The following TENM3 variants were observed in gnomAD, a reference collection of about 807,000 sequenced individuals.
TENM3 encodes the protein teneurin-3.
In TENM3, 63 loss-of-function variants were observed where a neutral mutation model predicts 255.1. The observed-to-expected ratio is 0.25, with a 90% CI of 0.20 to 0.30. The LOEUF is 0.30. Ranked by LOEUF, TENM3 falls within the 10% of genes least tolerant of loss-of-function variation. The pLI is 1.00. For synonymous variants in TENM3, 1,306 were observed against 1,322.3 expected, an observed-to-expected ratio of 0.99 and a Z score of 0.27; for missense variants, 2,929 against 3,461.1, an observed-to-expected ratio of 0.85 and a Z score of 3.86.
chr4:182,149,350 T>C (rs1750177299), intron 1 of TENM3, among the ~76,000 whole-genome samples: 1 of 152,034 alleles, frequency 6.6e-6, no homozygotes, highest in East Asian at 1.9e-4. Context: ...TAGGATTCAT[T>C]CTTTTGAAGG....
the TENM3 span, among the ~76,000 whole-genome samples, chr4:181,757,397 G>A: frequency 6.6e-6 from 1 of 152,154 alleles, no homozygotes; most frequent in Admixed American, 6.6e-5. Context: ...ATTGCATGCT[G>A]TCATATTTCT....
intron 12 of TENM3, among the ~76,000 whole-genome samples, chr4:182,694,568 A>T (rs1418894189): frequency 6.6e-6 from 1 of 152,218 alleles, no homozygotes; most frequent in East Asian, 1.9e-4. Flanking sequence ...GCCTAGGGGA[A>T]ATCCTAATTC....
chr4:182,492,516 C>CT lies in TENM3; in HGVS notation c.512-108405dup, dbSNP rs1735400529. On this transcript the variant is annotated intron_variant, in intron 3 of 27. Coordinates refer to ENST00000511685, the MANE Select transcript of TENM3 (RefSeq NM_001080477.4). The stretch of plus-strand genomic sequence containing the variant: ...AGTAATATTCATGTCAGTCAGGAAT[C>CT]TTTAGCTACAGTTTCCTGGTTCTAT... Among the ~76,000 whole-genome samples, 3 of 152,288 alleles carry CT rather than the reference C, an allele frequency of 2.0e-5. No individual in the cohort carries two copies. The South Asian group carries it at 6.2e-4, about 32-fold the overall frequency.
chr4:181,536,184 C>T, the TENM3 span, among the ~76,000 whole-genome samples: 9 of 152,202 alleles, frequency 5.9e-5, no homozygotes, highest in African/African-American at 2.2e-4. Flanking sequence ...ACCTATTTAA[C>T]ATTAGTGTCT....
the TENM3 span, among the ~76,000 whole-genome samples, chr4:181,913,432 G>A: frequency 1.1e-4 from 16 of 152,184 alleles, no homozygotes; most frequent in African/African-American, 3.9e-4. Flanking sequence ...AATGGCGAGA[G>A]CACACCGGAC....
At chr4:181,978,259 A>G in the TENM3 span, among the ~76,000 whole-genome samples, 1 of 152,202 alleles carries the variant, frequency 6.6e-6, no homozygotes, top group Non-Finnish European at 1.5e-5. Flanking sequence ...GAGAAACCCA[A>G]CAACTTGCCC....
intron 1 of TENM3, among the ~76,000 whole-genome samples, chr4:182,301,622 A>G (rs2150371102): frequency 6.6e-6 from 1 of 152,364 alleles, no homozygotes; most frequent in South Asian, 2.1e-4. Context: ...GTCAGAGGAG[A>G]GAAGCCTCTT....
the TENM3 span, among the ~76,000 whole-genome samples, chr4:181,571,657 T>C: frequency 6.6e-6 from 1 of 152,208 alleles, no homozygotes; most frequent in Non-Finnish European, 1.5e-5. Context: ...TTATTTTATT[T>C]ACAACATTTT....
At chr4:182,636,734 G>T (rs1415033992) in intron 5 of TENM3, among the ~76,000 whole-genome samples, 1 of 150,502 alleles carries the variant, frequency 6.6e-6, no homozygotes, top group Non-Finnish European at 1.5e-5. Flanking sequence ...AAAAAAGAAA[G>T]AAAGAAAAGA....
rs61622049 is a variant in TENM3, at chr4:182,707,172, T to C, written c.2222-6915T>C. ...TTGATTGTTCTCTTTTCCTGTTACA[T>C]GCACTTTGATGTGCATACTCCTAGA... On this transcript the variant is annotated intron_variant, in intron 12 of 27. Coordinates refer to ENST00000511685, the MANE Select transcript of TENM3 (RefSeq NM_001080477.4). Among the ~76,000 whole-genome samples, 1,064 of 152,284 alleles carry C rather than the reference T, an allele frequency of 7.0e-3. 14 individuals carry two copies. Among genetic ancestry groups the C allele is most frequent in the African/African-American group, 0.025 (1,028 of 41,556 alleles).
chr4:182,708,503 A>G (rs183646162), intron 12 of TENM3, among the ~76,000 whole-genome samples: 1 of 152,204 alleles, frequency 6.6e-6, no homozygotes, highest in African/African-American at 2.4e-5. Flanking sequence ...CAGTTTACTC[A>G]AAGATCTGAG....
At chr4:182,110,449 C>T in the TENM3 span, among the ~76,000 whole-genome samples, 2 of 151,972 alleles carry the variant, frequency 1.3e-5, no homozygotes, top group Admixed American at 6.6e-5. Context: ...CTCAGCCTCC[C>T]GAGTAGGTGG....
At chr4:182,342,490 T>C (rs1764544428) in intron 2 of TENM3, among the ~76,000 whole-genome samples, 1 of 152,020 alleles carries the variant, frequency 6.6e-6, no homozygotes, top group Non-Finnish European at 1.5e-5. Flanking sequence ...AAATAGAAGG[T>C]AGCTGATAAT....
intron 3 of TENM3, among the ~76,000 whole-genome samples, chr4:182,479,927 T>C (rs1336865029): frequency 6.6e-6 from 1 of 152,014 alleles, no homozygotes; most frequent in Non-Finnish European, 1.5e-5. Context: ...TCTTTTTCCC[T>C]GAAGTGTTGC....
chr4:182,071,057 G>T, the TENM3 span, among the ~76,000 whole-genome samples: 1,090 of 151,984 alleles, frequency 7.2e-3, 5 homozygotes, highest in Non-Finnish European at 9.6e-3. Flanking sequence ...AGCTACTGAC[G>T]CTTGAATTAA....
intron 22 of TENM3, among the ~76,000 whole-genome samples, chr4:182,757,635 T>G (rs990163146): frequency 2.0e-5 from 3 of 152,146 alleles, no homozygotes; most frequent in Non-Finnish European, 4.4e-5. Flanking sequence ...CCAATTTGGA[T>G]TTTTTACCTT....
the TENM3 span, among the ~76,000 whole-genome samples, chr4:181,844,040 C>T: frequency 6.6e-6 from 1 of 151,994 alleles, no homozygotes; most frequent in Non-Finnish European, 1.5e-5. Flanking sequence ...ACTGTGCTGC[C>T]TCATCCCCTG....
intron 1 of TENM3, among the ~76,000 whole-genome samples, chr4:182,250,489 C>T (rs911343592): frequency 3.7e-4 from 56 of 151,904 alleles, no homozygotes; most frequent in African/African-American, 1.1e-3. Context: ...TAACACAACT[C>T]GTAAAGGATA....
At chr4:182,064,058 C>T in the TENM3 span, among the ~76,000 whole-genome samples, 2 of 152,008 alleles carry the variant, frequency 1.3e-5, no homozygotes, top group South Asian at 2.1e-4. Flanking sequence ...CTTCCCCTGC[C>T]GTTTGCCAGT....
Sources: gnomAD v4.1 joint callset for allele counts (sites outside exome capture counted in the v4.1 genomes callset) on GRCh38, gnomAD v4.1.1 for gene constraint, MANE v1.5 for transcripts, NCBI Gene and HGNC (gene_info 2026-07-23, HGNC 2026-07-21) for gene names.